DCAF1: variants seen among roughly 807,000 people sequenced by gnomAD.
DCAF1 encodes the protein DDB1- and CUL4-associated factor 1.
In DCAF1, 15 loss-of-function variants were observed where a neutral mutation model predicts 128.0. The observed-to-expected ratio is 0.12, with a 90% CI of 0.08 to 0.18. The LOEUF is 0.18. DCAF1 is among the 10% of genes least tolerant of loss of function. The pLI is 1.00. For missense variants in DCAF1, 988 were observed against 1,649.5 expected (o/e 0.60, Z 6.95); for synonymous variants, 610 against 603.0 (o/e 1.01, Z -0.17).
At chr3:51,471,026 G>T in intron 3 of DCAF1, 21 bp from the exon 4 acceptor site, 1 of 1,547,146 alleles carries the variant, frequency 6.5e-7, no homozygotes, top group Non-Finnish European at 8.9e-7. Flanking sequence ...GGAAACAAGG[G>T]GTCAACTCTG....
intron 4 of DCAF1, among the ~76,000 whole-genome samples, chr3:51,469,940 G>A (rs1408071932): frequency 6.6e-6 from 1 of 152,130 alleles, no homozygotes; most frequent in Non-Finnish European, 1.5e-5. Flanking sequence ...AAAATTGCTT[G>A]AACCCAAGAA....
intron 7 of DCAF1, among the ~76,000 whole-genome samples, chr3:51,443,181 C>T (rs1701529158): frequency 6.6e-6 from 1 of 152,136 alleles, no homozygotes; most frequent in African/African-American, 2.4e-5. Flanking sequence ...CTGTAAAATG[C>T]TTTCAATTTT....
intron 2 of DCAF1, among the ~76,000 whole-genome samples, chr3:51,484,831 C>T (rs1412424687): frequency 2.7e-5 from 4 of 150,668 alleles, no homozygotes; most frequent in Non-Finnish European, 5.9e-5. Context: ...TACAGGCGCC[C>T]GCCACCATGC....
chr3:51,432,607 T>G (rs1193569387), intron 10 of DCAF1, among the ~76,000 whole-genome samples: 1 of 152,012 alleles, frequency 6.6e-6, no homozygotes, highest in Non-Finnish European at 1.5e-5. Context: ...TACAGGCACC[T>G]GCCACCATGC....
intron 9 of DCAF1, among the ~76,000 whole-genome samples, chr3:51,435,396 C>G (rs1700717508): frequency 6.6e-6 from 1 of 152,176 alleles, no homozygotes; most frequent in Non-Finnish European, 1.5e-5. Context: ...CACCAAATCC[C>G]ACATGTAGAG....
chr3:51,397,029 G>A (rs1420063505), downstream of DCAF1: 4 of 167,078 alleles, frequency 2.4e-5, no homozygotes, highest in Non-Finnish European at 5.9e-5. Context: ...ATTCTATAGT[G>A]CTTCTGAGCC....
chr3:51,429,119 C>T, intron 12 of DCAF1, 142 bp downstream of exon 12: 3 of 592,672 alleles, frequency 5.1e-6, no homozygotes, highest in Admixed American at 5.8e-5. Context: ...ATCCATTTTT[C>T]AATTGTTCTG....
chr3:51,397,042 G>C (rs534460916), downstream of DCAF1: 7 of 167,220 alleles, frequency 4.2e-5, no homozygotes, highest in African/African-American at 1.7e-4. Context: ...TCTGAGCCCA[G>C]CAGGGCTTTA....
chr3:51,466,795 A>C lies in DCAF1; in HGVS notation c.261+8T>G. The C allele has an allele frequency of 1.9e-6, 3 of 1,613,184 alleles. No individual in the cohort carries two copies. The highest frequency in any genetic ancestry group is 2.5e-6 in the Non-Finnish European group (3 of 1,179,288). Reference sequence around the variant, plus strand: ...TAATCGCTGGAGAAAAGTAAGAAGCAAACCTACTGCATTCATGAAATCATC... The same window carrying C: ...TAATCGCTGGAGAAAAGTAAGAAGCCAACCTACTGCATTCATGAAATCATC... On this transcript the variant is annotated splice_region_variant and intron_variant, in intron 5 of 24. Coordinates refer to ENST00000684031, the MANE Select transcript of DCAF1 (RefSeq NM_001387579.1).
intron 23 of DCAF1, among the ~76,000 whole-genome samples, chr3:51,412,119 A>T (rs1698485123): frequency 6.6e-6 from 1 of 150,628 alleles, no homozygotes; most frequent in Non-Finnish European, 1.5e-5. Context: ...TAAAAAAAAA[A>T]AAAAAAAAAA....
At chr3:51,425,120 C>A (rs1287078719) in intron 13 of DCAF1, among the ~76,000 whole-genome samples, 1 of 152,066 alleles carries the variant, frequency 6.6e-6, no homozygotes, top group Non-Finnish European at 1.5e-5. Context: ...AAAGCAGAAA[C>A]ATTTATTAAT....
intron 24 of DCAF1, 81 bp from the exon 25 acceptor site, chr3:51,398,908 T>C: frequency 4.6e-6 from 7 of 1,512,088 alleles, no homozygotes; most frequent in East Asian, 2.4e-5. Flanking sequence ...TGCACTCACA[T>C]ACATTCATGC....
chr3:51,441,045 T>C lies in DCAF1; in HGVS notation c.1053A>G (p.Gly351=), dbSNP rs1391154987. The C allele has an allele frequency of 6.2e-7, 1 of 1,612,352 alleles. No homozygotes were observed. Among genetic ancestry groups the C allele is most frequent in the Admixed American group, 1.7e-5 (1 of 59,794 alleles). ...TATAGAACATCATCAGCTCCCGTGATCCAAGTTGCATGAATATGGGAAGTA... is the reference window on the plus strand; with the variant it reads ...TATAGAACATCATCAGCTCCCGTGACCCAAGTTGCATGAATATGGGAAGTA... ...QELLPIFMQL[G]SRELMMFYID... Residue 351 remains glycine (G), a synonymous_variant, in exon 9 of 25, where the codon GGA becomes GGG. Coordinates refer to ENST00000684031, the MANE Select transcript of DCAF1 (RefSeq NM_001387579.1).
At chr3:51,503,293 C>G (rs140011386), upstream of DCAF1, among the ~76,000 whole-genome samples, 923 of 152,238 alleles carry the variant, frequency 6.1e-3, 17 homozygotes, top group African/African-American at 0.021. Flanking sequence ...CATGCTCTAC[C>G]TACTCCCACC....
chr3:51,436,862 A>T (rs1165091803), intron 9 of DCAF1, among the ~76,000 whole-genome samples: 1 of 152,208 alleles, frequency 6.6e-6, no homozygotes, highest in African/African-American at 2.4e-5. Flanking sequence ...GGCTTTCAAA[A>T]ATTTGGACTG....
chr3:51,486,453 C>CA (rs1271877960), intron 2 of DCAF1, among the ~76,000 whole-genome samples: 1 of 151,590 alleles, frequency 6.6e-6, no homozygotes, highest in Non-Finnish European at 1.5e-5. Flanking sequence ...CTTAGCCCCC[C>CA]AAAGTGCTGA....
chr3:51,487,926 G>A (rs1553656156), intron 2 of DCAF1, among the ~76,000 whole-genome samples: 2 of 151,936 alleles, frequency 1.3e-5, no homozygotes, highest in African/African-American at 2.4e-5. Context: ...GTGCAGAGGC[G>A]TGATCTTGAC....
intron 6 of DCAF1, among the ~76,000 whole-genome samples, chr3:51,459,030 C>G (rs1234200210): frequency 1.3e-5 from 2 of 152,234 alleles, no homozygotes; most frequent in East Asian, 3.9e-4. Context: ...CAAACACATT[C>G]AAAAGCTAGC....
At chr3:51,502,734 A>C (rs1323429479), upstream of DCAF1, among the ~76,000 whole-genome samples, 6 of 151,676 alleles carry the variant, frequency 4.0e-5, no homozygotes, top group East Asian at 1.9e-4. Context: ...AGGAATCTGC[A>C]CTCTTAACTC....
Sources: gnomAD v4.1 joint callset for allele counts (sites outside exome capture counted in the v4.1 genomes callset) on GRCh38, gnomAD v4.1.1 for gene constraint, MANE v1.5 for transcripts, NCBI Gene and HGNC (gene_info 2026-07-23, HGNC 2026-07-21) for gene names.